Variants in EBF1 observed in about 807,000 individuals in gnomAD.
EBF1 encodes transcription factor COE1.
EBF1 carries 10 observed loss-of-function variants against 68.4 expected under a neutral mutation model. The ratio of observed to expected loss-of-function variants is 0.15; its 90% CI spans 0.09 to 0.25. The LOEUF (loss-of-function observed/expected upper bound fraction) is 0.25. Among genes scored for constraint, EBF1 ranks in the 10% least tolerant of loss-of-function variants. The pLI, the probability that EBF1 is intolerant of heterozygous loss-of-function variation, is 1.00. For synonymous variants in EBF1, 298 were observed against 299.8 expected, an observed-to-expected ratio of 0.99 and a Z score of 0.06; for missense variants, 509 against 794.4, an observed-to-expected ratio of 0.64 and a Z score of 4.32.
intron 8 of EBF1, among the ~76,000 whole-genome samples, chr5:158,797,740 T>G (rs1408950839): frequency 6.6e-6 from 1 of 152,170 alleles, no homozygotes; most frequent in Admixed American, 6.5e-5. Flanking sequence ...ATCTTAAAAA[T>G]TTGCACAGAG....
intron 6 of EBF1, among the ~76,000 whole-genome samples, chr5:158,916,478 T>C (rs964927091): frequency 1.3e-5 from 2 of 152,318 alleles, no homozygotes; most frequent in Non-Finnish European, 2.9e-5. Flanking sequence ...TATTATTCTA[T>C]ATGCCAAACA....
In EBF1 at chr5:158,697,308, T is replaced by C. The variant is rs1282848594; in HGVS notation, c.*1803A>G. ...TTTGCCATATATTGGAAAAAACTTC[T>C]TAACTTACAAATAATACAAAAATAG... On this transcript the variant is annotated 3_prime_UTR_variant, in exon 16 of 16. Transcript: ENST00000313708. 1 of 193,064 alleles carries C rather than the reference T, an allele frequency of 5.2e-6. No individual in the cohort carries two copies. The highest frequency in any genetic ancestry group is 1.1e-5 in the Non-Finnish European group (1 of 92,704). The allele number at this position is 193,064 out of a possible 1,614,324, so 12.0% of individuals were successfully genotyped here. A position where few individuals can be genotyped will look rare whatever the true frequency, so the allele number is the denominator to read the frequency against.
At chr5:159,001,049 AC>A in intron 6 of EBF1, among the ~76,000 whole-genome samples, 2 of 152,284 alleles carry the variant, frequency 1.3e-5, no homozygotes, top group Admixed American at 1.3e-4. Flanking sequence ...TCCTTCATAT[AC>A]TTTAATCAAA....
At chr5:158,827,742 A>G (rs1406194652) in intron 7 of EBF1, among the ~76,000 whole-genome samples, 1 of 152,234 alleles carries the variant, frequency 6.6e-6, no homozygotes, top group African/African-American at 2.4e-5. Flanking sequence ...GTGGAAGATC[A>G]CATTAACAAA....
At chr5:158,736,121 A>C (rs1303511910) in intron 10 of EBF1, among the ~76,000 whole-genome samples, 1 of 152,206 alleles carries the variant, frequency 6.6e-6, no homozygotes, top group Non-Finnish European at 1.5e-5. Flanking sequence ...CCACTTCACA[A>C]ACACATCAAA....
chr5:158,969,908 G>GAAAT (rs1349712410), intron 6 of EBF1, among the ~76,000 whole-genome samples: 2 of 104,772 alleles, frequency 1.9e-5, no homozygotes, highest in Admixed American at 1.1e-4. Flanking sequence ...AAGAAAGAAA[G>GAAAT]AAAGAAAGAA....
intron 6 of EBF1, among the ~76,000 whole-genome samples, chr5:159,061,181 G>C (rs1775738964): frequency 6.6e-6 from 1 of 151,936 alleles, no homozygotes; most frequent in Non-Finnish European, 1.5e-5. Flanking sequence ...TTAATACAGG[G>C]TGATAGACAA....
chr5:158,751,827 A>G (rs1214674588), intron 10 of EBF1, among the ~76,000 whole-genome samples: 1 of 152,166 alleles, frequency 6.6e-6, no homozygotes, highest in African/African-American at 2.4e-5. Flanking sequence ...AGAAATGGAC[A>G]TGGCCAAAAT....
At chr5:158,875,048 C>CACATACAA (rs1797568793) in intron 6 of EBF1, among the ~76,000 whole-genome samples, 1 of 101,596 alleles carries the variant, frequency 9.8e-6, no homozygotes, top group African/African-American at 4.0e-5. Context: ...CAAGCACACA[C>CACATACAA]ACACACATAC....
chr5:159,072,496 C>T (rs1777992132), intron 6 of EBF1, among the ~76,000 whole-genome samples: 1 of 152,046 alleles, frequency 6.6e-6, no homozygotes, highest in Non-Finnish European at 1.5e-5. Context: ...CCATTGGTTT[C>T]CTCAATGAGG....
At chr5:159,061,354 C>T (rs1436188505) in intron 6 of EBF1, among the ~76,000 whole-genome samples, 1 of 151,614 alleles carries the variant, frequency 6.6e-6, no homozygotes, top group Non-Finnish European at 1.5e-5. Context: ...TCCCTGCCAT[C>T]TATGACTGCA....
intron 6 of EBF1, among the ~76,000 whole-genome samples, chr5:158,994,626 T>C (rs936114573): frequency 6.6e-6 from 1 of 152,250 alleles, no homozygotes; most frequent in Non-Finnish European, 1.5e-5. Context: ...TATAATCATA[T>C]GAGCCAGAAG....
chr5:158,849,962 C>A (rs1792306004), intron 6 of EBF1, among the ~76,000 whole-genome samples: 1 of 152,208 alleles, frequency 6.6e-6, no homozygotes, highest in Non-Finnish European at 1.5e-5. Context: ...CAGTTAAGAG[C>A]TATCCATCTC....
In EBF1 at chr5:158,714,553, T is replaced by C. The variant is rs78283140; in HGVS notation, c.1126-371A>G. Among the ~76,000 whole-genome samples the C allele has an allele frequency of 2.6e-3, 398 of 152,354 alleles. 3 individuals are homozygous for C. The highest frequency in any genetic ancestry group is 9.1e-3 in the African/African-American group (380 of 41,578). On this transcript the variant is annotated intron_variant, in intron 11 of 15. Coordinates refer to ENST00000313708, the MANE Select transcript of EBF1 (RefSeq NM_024007.5). The stretch of plus-strand genomic sequence containing the variant: ...TAAGATGTGTTTATTTTGCACTTAA[T>C]TGCTTATTCCAGTAACCATGACCTT...
intron 5 of EBF1, among the ~76,000 whole-genome samples, chr5:159,073,952 G>A (rs1479767203): frequency 6.6e-6 from 1 of 152,280 alleles, no homozygotes; most frequent in South Asian, 2.1e-4. Flanking sequence ...TTTATGGGTA[G>A]CATTTCCTTC....
intron 6 of EBF1, among the ~76,000 whole-genome samples, chr5:159,034,065 C>A (rs191487415): frequency 1.2e-3 from 182 of 152,202 alleles, no homozygotes; most frequent in Non-Finnish European, 1.2e-4. Flanking sequence ...TACATTGAGG[C>A]CATCTTGAAA....
intron 9 of EBF1, among the ~76,000 whole-genome samples, chr5:158,783,775 C>G (rs1481983283): frequency 6.6e-6 from 1 of 152,166 alleles, no homozygotes; most frequent in Non-Finnish European, 1.5e-5. Flanking sequence ...TGAATGGGGC[C>G]TCTCCTTGAC....
intron 7 of EBF1, among the ~76,000 whole-genome samples, chr5:158,829,326 C>T (rs1786947959): frequency 6.6e-6 from 1 of 151,810 alleles, no homozygotes; most frequent in African/African-American, 2.4e-5. Context: ...GAGGCATGCA[C>T]CACCACACTC....
chr5:159,052,072 T>G (rs2127823083), intron 6 of EBF1, among the ~76,000 whole-genome samples: 1 of 152,172 alleles, frequency 6.6e-6, no homozygotes, highest in East Asian at 1.9e-4. Context: ...CAGAAAGACG[T>G]AAGAATTTTA....
Sources: gnomAD v4.1 joint callset for allele counts (sites outside exome capture counted in the v4.1 genomes callset) on GRCh38, gnomAD v4.1.1 for gene constraint, MANE v1.5 for transcripts, NCBI Gene and HGNC (gene_info 2026-07-23, HGNC 2026-07-21) for gene names.